Variants in KCNQ1 observed in about 807,000 individuals in gnomAD.
KCNQ1 encodes potassium voltage-gated channel subfamily Q member 1, also known as potassium voltage-gated channel subfamily KQT member 1.
Under a neutral mutation model 72.4 loss-of-function variants are expected in KCNQ1, and 49 were observed. That is an observed-to-expected ratio of 0.68 (90% CI 0.54 to 0.86). The LOEUF (loss-of-function observed/expected upper bound fraction) is 0.86, where lower values mean the gene tolerates loss of function less well. KCNQ1 is among the 40% of genes least tolerant of loss of function. The probability of loss-of-function intolerance (pLI) is 0.00; values close to 1 mark genes in which losing one functional copy is unlikely to be tolerated. For synonymous variants in KCNQ1, 450 were observed against 412.6 expected, an observed-to-expected ratio of 1.09 and a Z score of -1.10; for missense variants, 790 against 945.1, an observed-to-expected ratio of 0.84 and a Z score of 2.15.
chr11:2,502,362 A>G (rs914262871), intron 1 of KCNQ1, among the ~76,000 whole-genome samples: 2 of 152,234 alleles, frequency 1.3e-5, no homozygotes, highest in Non-Finnish European at 2.9e-5. Flanking sequence ...TACAAAGTCA[A>G]CATACAAAAA....
rs959241492 is a variant in KCNQ1 at position 2,785,339 on chromosome 11, C to T, written c.1794+7302C>T. 6.6e-6 allele frequency among the ~76,000 whole-genome samples: 1 copy of T among 151,710 alleles called. No homozygotes were observed. Among genetic ancestry groups the T allele is most frequent in the African/African-American group, 2.4e-5 (1 of 41,348 alleles). On this transcript the variant is annotated intron_variant, in intron 15 of 15. Coordinates refer to ENST00000155840, the MANE Select transcript of KCNQ1 (RefSeq NM_000218.3). This position sits in a 1 kb window ranked among gnomAD's most constrained non-coding sequence, Gnocchi z 4.4. ...TCTCACATTTCTGGAATATATCCTACCTGGGCATGATATATAATCCTTTTT... is the reference window on the plus strand; with the variant it reads ...TCTCACATTTCTGGAATATATCCTATCTGGGCATGATATATAATCCTTTTT...
At chr11:2,700,082 GA>G in intron 11 of KCNQ1, 1 of 397,980 alleles carries the variant, frequency 2.5e-6, no homozygotes, top group Admixed American at 4.4e-5. Flanking sequence ...GGCAGCAGGG[GA>G]AGGCTTGCGG....
chr11:2,539,321 G>A (rs893776347), intron 2 of KCNQ1, among the ~76,000 whole-genome samples: 2 of 152,232 alleles, frequency 1.3e-5, no homozygotes, highest in Non-Finnish European at 2.9e-5. Context: ...TGCCTGAAGA[G>A]TCTGGGGCCC....
At position 2,687,393 on chromosome 11, in the gene KCNQ1, G is replaced by A. The variant is rs1027814171; in HGVS notation, c.1514+25312G>A. On this transcript the variant is annotated intron_variant, in intron 11 of 15. Coordinates refer to ENST00000155840, the MANE Select transcript of KCNQ1 (RefSeq NM_000218.3). This position sits in a 1 kb window ranked among gnomAD's most constrained non-coding sequence, Gnocchi z 5.0. ...TCACTCAGGGCTGAGCTCTGCTGAAGGATCTGGGAGGTCAGTAGGCACCTG... is the reference window on the plus strand; with the variant it reads ...TCACTCAGGGCTGAGCTCTGCTGAAAGATCTGGGAGGTCAGTAGGCACCTG... 7.5e-6 allele frequency: 3 copies of A among 398,538 alleles called. No individual in the cohort carries two copies. Among genetic ancestry groups the A allele is most frequent in the Non-Finnish European group, 1.3e-5 (3 of 226,094 alleles). The allele number at this position is 398,538 out of a possible 1,614,324, so 24.7% of individuals were successfully genotyped here. A position where few individuals can be genotyped will look rare whatever the true frequency, so the allele number is the denominator to read the frequency against.
rs1590001331 is a variant in KCNQ1 at position 2,644,259 on chromosome 11, C to T, written c.1394-17702C>T. ...TTATGGCATCCTATAGTCACATAGC[C>T]TTTGTTCATTCTTTTCTATTTTTTC... On this transcript the variant is annotated intron_variant, in intron 10 of 15. Transcript: ENST00000155840. 5.8e-5 allele frequency: 23 copies of T among 398,282 alleles called. No homozygotes were observed. In the East Asian group the frequency reaches 8.2e-4, roughly 14 times the overall value. The allele number at this position is 398,282 out of a possible 1,614,324, so 24.7% of individuals were successfully genotyped here.
intron 13 of KCNQ1, among the ~76,000 whole-genome samples, chr11:2,776,705 C>T (rs1310096836): frequency 6.6e-6 from 1 of 152,204 alleles, no homozygotes. Context: ...CTGCCTTGCC[C>T]ATGGCTGATC....
Position 2,572,929 on chromosome 11 carries a change from G to A in KCNQ1, c.864G>A (p.Val288=). Residue 288 remains valine (V), a synonymous_variant, in exon 6 of 16, where the codon GTG becomes GTA. Coordinates refer to ENST00000155840, the MANE Select transcript of KCNQ1 (RefSeq NM_000218.3). ...TGTACCTGGCTGAGAAGGACGCGGTGAACGAGTCAGGCCGCGTGGAGTTCG... is the reference window on the plus strand; with the variant it reads ...TGTACCTGGCTGAGAAGGACGCGGTAAACGAGTCAGGCCGCGTGGAGTTCG... ...YFVYLAEKDA[V]NESGRVEFGS... is the part of the protein sequence containing the mutation. 1 of 1,613,850 alleles carries A rather than the reference G, an allele frequency of 6.2e-7. No homozygotes were observed. Among genetic ancestry groups the A allele is most frequent in the Non-Finnish European group, 8.5e-7 (1 of 1,180,026 alleles).
At chr11:2,837,737 AGGGGTG>A (rs1848105028) in intron 15 of KCNQ1, among the ~76,000 whole-genome samples, 8 of 152,032 alleles carry the variant, frequency 5.3e-5, no homozygotes, top group Admixed American at 5.2e-4. Flanking sequence ...GGCTAAGGAG[AGGGGTG>A]GATGCTCCAG....
intron 10 of KCNQ1, chr11:2,615,701 C>T (rs757338302): frequency 2.5e-5 from 10 of 397,934 alleles, no homozygotes; most frequent in Non-Finnish European, 4.4e-5. Flanking sequence ...TACTCTTGTA[C>T]TGAACCACCC....
rs1265872707 is a variant in KCNQ1, at chr11:2,679,630, G to GA, written c.1514+17555dup. On this transcript the variant is annotated intron_variant, in intron 11 of 15. Coordinates refer to ENST00000155840, the MANE Select transcript of KCNQ1 (RefSeq NM_000218.3). This position sits in a 1 kb window ranked among gnomAD's most constrained non-coding sequence, Gnocchi z 4.8. ...GTTGGAATGAATAGTATCAGCATCA[G>GA]AAAAAATACAAGTGCATCCTCATAA... 2 of 398,418 alleles carry GA rather than the reference G, an allele frequency of 5.0e-6. No individual in the cohort carries two copies. The highest frequency in any genetic ancestry group is 8.8e-6 in the Non-Finnish European group (2 of 226,048). 24.7% of individuals were successfully genotyped at this position (398,418 alleles called of 1,614,324 possible).
At chr11:2,843,280 C>T (rs1346475189) in intron 15 of KCNQ1, among the ~76,000 whole-genome samples, 2 of 152,256 alleles carry the variant, frequency 1.3e-5, no homozygotes, top group African/African-American at 4.8e-5. Context: ...CACTTGTGCC[C>T]AGCTCCACAC....
intron 15 of KCNQ1, among the ~76,000 whole-genome samples, chr11:2,793,286 CAT>C (rs1847067808): frequency 6.6e-6 from 1 of 152,306 alleles, no homozygotes; most frequent in African/African-American, 2.4e-5. Context: ...CTAGCAGGGT[CAT>C]GTGAGGGCTC....
In KCNQ1 at chr11:2,541,668, A is replaced by G. The variant is rs1020064561; in HGVS notation, c.477+13650A>G. Among the ~76,000 whole-genome samples the G allele has an allele frequency of 2.7e-5, 4 of 150,496 alleles. No individual in the cohort carries two copies. The highest frequency in any genetic ancestry group is 9.8e-5 in the African/African-American group (4 of 40,832). On this transcript the variant is annotated intron_variant, in intron 2 of 15. Coordinates refer to ENST00000155840, the MANE Select transcript of KCNQ1 (RefSeq NM_000218.3). This position sits in a 1 kb window ranked among gnomAD's most constrained non-coding sequence, Gnocchi z 4.8. ...TTCCCAGAAAGCCCCCTTCTGCTCA[A>G]GTTCTCTTGCTTCATCTCAGGCTCA...
rs112997149 is a variant in KCNQ1 at position 2,598,077 on chromosome 11, T to C, written c.1393+9223T>C. ...TCATTAATCTAAGCTTTTATAGCTA[T>C]TAATTCCCTTTTCTTGGCTAACTCT... On this transcript the variant is annotated intron_variant, in intron 10 of 15. Coordinates refer to ENST00000155840, the MANE Select transcript of KCNQ1 (RefSeq NM_000218.3). This position sits in a 1 kb window ranked among gnomAD's most constrained non-coding sequence, Gnocchi z 6.2. Among the ~76,000 whole-genome samples the C allele has an allele frequency of 8.1e-3, 1,234 of 152,280 alleles. 14 individuals are homozygous for C. Among genetic ancestry groups the C allele is most frequent in the African/African-American group, 0.027 (1,139 of 41,580 alleles).
intron 10 of KCNQ1, chr11:2,619,358 T>A (rs1249502952): frequency 5.0e-6 from 2 of 398,446 alleles, no homozygotes; most frequent in Admixed American, 4.4e-5. Flanking sequence ...CTTCTATACC[T>A]GAACTGTTAG....
rs542704602 is a variant in KCNQ1, at chr11:2,690,336, G to C, written c.1514+28255G>C. On this transcript the variant is annotated intron_variant, in intron 11 of 15. Coordinates refer to ENST00000155840, the MANE Select transcript of KCNQ1 (RefSeq NM_000218.3). This position sits in a 1 kb window ranked among gnomAD's most constrained non-coding sequence, Gnocchi z 5.1. ...AAGGATTAAATGATGTCAAGTCTGA[G>C]GCTGCCCTGCAGCTGCTGTTTCCAC... 203 of 398,694 alleles carry C rather than the reference G, an allele frequency of 5.1e-4. 1 individual carries two copies. The highest frequency in any genetic ancestry group is 6.3e-4 in the Non-Finnish European group (142 of 226,094). 24.7% of individuals were successfully genotyped at this position (398,694 alleles called of 1,614,324 possible).
chr11:2,814,656 AAGGG>A (rs1847578704), intron 15 of KCNQ1, among the ~76,000 whole-genome samples: 1 of 125,670 alleles, frequency 8.0e-6, no homozygotes, highest in African/African-American at 2.9e-5. Context: ...GGAAGGAAGG[AAGGG>A]TGGAGGTAAG....
chr11:2,662,586 C>G (rs1326094840), intron 11 of KCNQ1: 2 of 419,444 alleles, frequency 4.8e-6, no homozygotes, highest in African/African-American at 4.1e-5. Flanking sequence ...GGGATGCATG[C>G]CCGTCCTCCC....
intron 15 of KCNQ1, among the ~76,000 whole-genome samples, chr11:2,779,692 G>T (rs163146): frequency 6.6e-6 from 1 of 152,188 alleles, no homozygotes; most frequent in Non-Finnish European, 1.5e-5. Flanking sequence ...GGCATCCTGC[G>T]GGGGTGATGG....
Sources: allele counts gnomAD v4.1 joint callset (sites outside exome capture counted in the v4.1 genomes callset), GRCh38; gene constraint gnomAD v4.1.1; non-coding constraint Gnocchi (gnomAD v3.1); transcripts MANE v1.5; gene names NCBI Gene and HGNC (gene_info 2026-07-23, HGNC 2026-07-21).